CTC1: variants seen among roughly 807,000 people sequenced by gnomAD.
The protein encoded by CTC1 is CST telomere replication complex component 1.
CTC1 carries 91 observed loss-of-function variants against 136.3 expected under a neutral mutation model. The observed-to-expected ratio is 0.67, with a 90% CI of 0.56 to 0.79. The LOEUF is 0.79. Among genes scored for constraint, CTC1 ranks in the 30% least tolerant of loss-of-function variants. The pLI is 0.00. For synonymous variants in CTC1, 606 were observed against 613.8 expected, an observed-to-expected ratio of 0.99 and a Z score of 0.19; for missense variants, 1,432 against 1,498.1, an observed-to-expected ratio of 0.96 and a Z score of 0.73.
intron 12 of CTC1, 38 bp from the exon 13 acceptor site, chr17:8,232,265 C>T (rs1477275325): frequency 1.3e-6 from 2 of 1,544,388 alleles, no homozygotes; most frequent in Non-Finnish European, 1.7e-6. Context: ...CTTAGTGATG[C>T]AGGCATTGGG....
rs900986995 is a variant in CTC1 at position 8,225,631 on chromosome 17, C to T, written c.*2549G>A. On this transcript the variant is annotated 3_prime_UTR_variant, in exon 23 of 23. Transcript: ENST00000651323. ...TGGACTCTGTTCACATGGCCTCAGCCCTTCTGCACCCTGCTGCACGAAACC... is the reference window on the plus strand; with the variant it reads ...TGGACTCTGTTCACATGGCCTCAGCTCTTCTGCACCCTGCTGCACGAAACC... 1 of 152,186 alleles carries T rather than the reference C, an allele frequency of 6.6e-6. No individual in the cohort carries two copies. The highest frequency in any genetic ancestry group is 2.4e-5 in the African/African-American group (1 of 41,412). 9.4% of individuals were successfully genotyped at this position (152,186 alleles called of 1,614,324 possible).
At chr17:8,243,507 G>A (rs975968542) in intron 1 of CTC1, among the ~76,000 whole-genome samples, 26 of 147,066 alleles carry the variant, frequency 1.8e-4, no homozygotes, top group Non-Finnish European at 3.7e-4. Flanking sequence ...CAACAAGAGG[G>A]AAACTCCGTC....
Position 8,238,142 on chromosome 17 carries a change from A to G in CTC1, c.536T>C (p.Leu179Ser). ...TGGCACAGGGGCATCCCACAGCTCC[A>G]AGTGCCCTTCCCCTGAGGAATTCCA... ...ARWNSSGEGH[L>S]ELWDAPVPVF... Residue 179 changes from leucine to serine, a missense_variant, in exon 4 of 23, where the codon TTG becomes TCG. Transcript: ENST00000651323. 6.2e-7 allele frequency: 1 copy of G among 1,614,122 alleles called. No individual in the cohort carries two copies. Among genetic ancestry groups the G allele is most frequent in the Non-Finnish European group, 8.5e-7 (1 of 1,179,952 alleles).
chr17:8,226,732 T>C lies in CTC1; in HGVS notation c.*1448A>G, dbSNP rs973494054. 1 of 152,120 alleles carries C rather than the reference T, an allele frequency of 6.6e-6. No homozygotes were observed. Among genetic ancestry groups the C allele is most frequent in the African/African-American group, 2.4e-5 (1 of 41,404 alleles). 9.4% of individuals were successfully genotyped at this position (152,120 alleles called of 1,614,324 possible). On this transcript the variant is annotated 3_prime_UTR_variant, in exon 23 of 23. Transcript: ENST00000651323. ...GTTTTCATCCAATGCCTTTCTTACT[T>C]CCCTTGACTGACAAACATCTGCCTC...
In CTC1 at chr17:8,235,287, T is replaced by C; in HGVS notation, c.1207-2A>G. Reference sequence around the variant, plus strand: ...CTGGAGCAGGTGAACATCCTGGAGCTGGGGGAAAGCAGAGAAAATGAAAAA... The same window carrying C: ...CTGGAGCAGGTGAACATCCTGGAGCCGGGGGAAAGCAGAGAAAATGAAAAA... On this transcript the variant is annotated splice_acceptor_variant, in intron 7 of 22. Transcript: ENST00000651323. LOFTEE classifies it high-confidence loss of function. 6.2e-7 allele frequency: 1 copy of C among 1,609,128 alleles called. No homozygotes were observed. Among genetic ancestry groups the C allele is most frequent in the Non-Finnish European group, 8.5e-7 (1 of 1,175,902 alleles).
At chr17:8,247,801 G>A in intron 1 of CTC1, 1 of 608,098 alleles carries the variant, frequency 1.6e-6, no homozygotes, top group Non-Finnish European at 3.0e-6. Flanking sequence ...CCAGTTTAAG[G>A]CTCACAGCGG....
chr17:8,238,338 T>G lies in CTC1; in HGVS notation c.435+54A>C. On this transcript the variant is annotated intron_variant, in intron 3 of 22. Transcript: ENST00000651323. ...CTCAGAGACTTAATTGCCTTGATCCTTGGACACCATTCTTGTCAGGATCTG... is the reference window on the plus strand; with the variant it reads ...CTCAGAGACTTAATTGCCTTGATCCGTGGACACCATTCTTGTCAGGATCTG... The G allele has an allele frequency of 2.5e-6, 4 of 1,576,584 alleles. No individual in the cohort carries two copies. The South Asian group carries it at 4.6e-5, about 18-fold the overall frequency.
intron 17 of CTC1, 130 bp downstream of exon 17, chr17:8,230,164 A>C: frequency 9.4e-7 from 1 of 1,068,764 alleles, no homozygotes; most frequent in South Asian, 1.6e-5. Context: ...GGCTGGGCAC[A>C]AATGGCAGAC....
intron 18 of CTC1, 116 bp from the exon 19 acceptor site, chr17:8,229,562 G>A: frequency 1.2e-6 from 1 of 838,146 alleles, no homozygotes; most frequent in Non-Finnish European, 1.9e-6. Context: ...GGACAGCAGT[G>A]GGTTCCATGC....
chr17:8,246,338 A>G (rs1164764830), intron 1 of CTC1, among the ~76,000 whole-genome samples: 2 of 152,128 alleles, frequency 1.3e-5, no homozygotes, highest in Admixed American at 6.6e-5. Flanking sequence ...CCATGGCCAG[A>G]TGATGATTGT....
Position 8,228,578 on chromosome 17 carries a change from T to C in CTC1, c.3439A>G (p.Thr1147Ala), listed in dbSNP as rs1264544427. 1 of 1,614,148 alleles carries C rather than the reference T, an allele frequency of 6.2e-7. No homozygotes were observed. The highest frequency in any genetic ancestry group is 2.2e-5 in the East Asian group (1 of 44,890). ...ATAGGACGGAGGACAGAGGGGCTAG[T>C]ACAAAGTGTCCAGAGGAACATGGTC... ...PMTMFLWTLC[T>A]SPSVLRPIVL... The change falls in exon 22 of 23, where the codon ACT becomes GCT. Residue 1147 changes from threonine to alanine, a missense_variant. Physicochemically the swap from Thr to Ala is moderately conservative, Grantham distance 58 (BLOSUM62 0). Coordinates refer to ENST00000651323, the MANE Select transcript of CTC1 (RefSeq NM_025099.6).
At position 8,231,455 on chromosome 17, in the gene CTC1, AAAC is replaced by A; in HGVS notation, c.2487_2489del (p.Leu829del). On this transcript the variant is annotated inframe_deletion, in exon 15 of 23. Transcript: ENST00000651323. The stretch of plus-strand genomic sequence containing the variant: ...ATATGCAGGATGAACCATCCTTTTC[AAAC>A]AACATTGGTGTCTGCACGGAAATGG... 6.2e-7 allele frequency: 1 copy of A among 1,609,270 alleles called. No individual in the cohort carries two copies.
chr17:8,229,850 G>A, intron 18 of CTC1, 41 bp downstream of exon 18: 1 of 1,533,788 alleles, frequency 6.5e-7, no homozygotes, highest in South Asian at 1.1e-5. Context: ...AGATGCAGAT[G>A]TGAAGCCAGG....
rs1986712323 is a variant in CTC1, at chr17:8,226,679, C to G, written c.*1501G>C. 6.6e-6 allele frequency: 1 copy of G among 152,332 alleles called. No homozygotes were observed. Among genetic ancestry groups the G allele is most frequent in the East Asian group, 1.9e-4 (1 of 5,188 alleles). 9.4% of individuals were successfully genotyped at this position (152,332 alleles called of 1,614,324 possible). A position where few individuals can be genotyped will look rare whatever the true frequency, so the allele number is the denominator to read the frequency against. On this transcript the variant is annotated 3_prime_UTR_variant, in exon 23 of 23. Transcript: ENST00000651323. ...TTTCTAGTCCATCGCCTTAACCACT[C>G]GGCCACGACTACGAGGCTTAGGGCT...
At position 8,231,835 on chromosome 17, in the gene CTC1, A is replaced by G. The variant is rs374816662; in HGVS notation, c.2386-20T>C. ...GTGAACCTGGGAGGATGGAGAGCAA[A>G]GTGCTGGGATCCTAGCCAGAGGCTC... On this transcript the variant is annotated intron_variant, in intron 13 of 22. Coordinates refer to ENST00000651323, the MANE Select transcript of CTC1 (RefSeq NM_025099.6). 1.9e-6 allele frequency: 3 copies of G among 1,613,926 alleles called. No individual in the cohort carries two copies. Among genetic ancestry groups the G allele is most frequent in the Admixed American group, 3.3e-5 (2 of 59,996 alleles).
intron 2 of CTC1, among the ~76,000 whole-genome samples, chr17:8,242,546 AAAAAAAAATATATAT>A (rs1567620148): frequency 6.5e-5 from 6 of 91,706 alleles, no homozygotes; most frequent in South Asian, 3.2e-4. Flanking sequence ...AAAAAAAAAA[AAAAAAAAATATATAT>A]ATATATATAT....
In CTC1 at chr17:8,235,300, A is replaced by G. The variant is rs1468286534; in HGVS notation, c.1207-15T>C. The G allele has an allele frequency of 6.3e-7, 1 of 1,598,986 alleles. No homozygotes were observed. Among genetic ancestry groups the G allele is most frequent in the Admixed American group, 1.7e-5 (1 of 59,840 alleles). ...ACATCCTGGAGCTGGGGGAAAGCAGAGAAAATGAAAAAGCAGAGATGAAGA... is the reference window on the plus strand; with the variant it reads ...ACATCCTGGAGCTGGGGGAAAGCAGGGAAAATGAAAAAGCAGAGATGAAGA... On this transcript the variant is annotated splice_polypyrimidine_tract_variant and intron_variant, in intron 7 of 22. Transcript: ENST00000651323.
In CTC1 at chr17:8,243,402, C is replaced by A. The variant is rs1447617365; in HGVS notation, c.34-254G>T. On this transcript the variant is annotated intron_variant, in intron 1 of 22. Coordinates refer to ENST00000651323, the MANE Select transcript of CTC1 (RefSeq NM_025099.6). ...GGGGTGGTGGTGCACACCTATAATT[C>A]CAGCTACTTGGGAGGCTGAGGCAGG... 2.6e-5 allele frequency among the ~76,000 whole-genome samples: 4 copies of A among 151,900 alleles called. No homozygotes were observed. In the East Asian group the frequency reaches 7.7e-4, roughly 29 times the overall value.
In CTC1 at chr17:8,231,829, G is replaced by C. The variant is rs1196577454; in HGVS notation, c.2386-14C>G. 6.2e-7 allele frequency: 1 copy of C among 1,614,080 alleles called. No individual in the cohort carries two copies. Among genetic ancestry groups the C allele is most frequent in the Non-Finnish European group, 8.5e-7 (1 of 1,179,922 alleles). On this transcript the variant is annotated splice_polypyrimidine_tract_variant and intron_variant, in intron 13 of 22. Transcript: ENST00000651323. Reference sequence around the variant, plus strand: ...AATGAGGTGAACCTGGGAGGATGGAGAGCAAAGTGCTGGGATCCTAGCCAG... The same window carrying C: ...AATGAGGTGAACCTGGGAGGATGGACAGCAAAGTGCTGGGATCCTAGCCAG...
Sources: allele counts gnomAD v4.1 joint callset (sites outside exome capture counted in the v4.1 genomes callset), GRCh38; gene constraint gnomAD v4.1.1; transcripts MANE v1.5; gene names NCBI Gene and HGNC (gene_info 2026-07-23, HGNC 2026-07-21).